Variants in SLC24A1 observed in about 807,000 individuals in gnomAD.
The protein encoded by SLC24A1 is sodium/potassium/calcium exchanger 1.
SLC24A1 carries 52 observed loss-of-function variants against 88.1 expected under a neutral mutation model. That is an observed-to-expected ratio of 0.59 (90% confidence interval 0.47 to 0.74). The LOEUF (loss-of-function observed/expected upper bound fraction) is 0.74, where lower values mean the gene tolerates loss of function less well. SLC24A1 is among the 30% of genes least tolerant of loss of function. The pLI is 0.00. For synonymous variants in SLC24A1, 455 were observed against 498.0 expected, an observed-to-expected ratio of 0.91 and a Z score of 1.15; for missense variants, 1,173 against 1,363.3, an observed-to-expected ratio of 0.86 and a Z score of 2.20.
intron 1 of SLC24A1, among the ~76,000 whole-genome samples, chr15:65,623,636 G>C (rs555667691): frequency 6.6e-6 from 1 of 152,282 alleles, no homozygotes; most frequent in East Asian, 1.9e-4. Flanking sequence ...CTTAGGCTTG[G>C]ACCTGAAGAG....
In SLC24A1 at chr15:65,625,440, TG is replaced by T; in HGVS notation, c.1363del (p.Val455TrpfsTer8). On this transcript the variant is annotated frameshift_variant, in exon 2 of 10. Coordinates refer to ENST00000261892, the MANE Select transcript of SLC24A1 (RefSeq NM_004727.3). LOFTEE classifies it high-confidence loss of function. ...CAGTGTGGAGGAGCGGCGGCAGGGC[TG>T]GGTGGTCCTGCACGTTTTTGGCATG... Reference protein sequence around the residue: ...LFSVEERRQGWVVLHVFGMMY... With the variant: ...LFSVEERRQGXVVLHVFGMMY... 6.2e-7 allele frequency: 1 copy of T among 1,614,030 alleles called. No homozygotes were observed.
rs1055125247 is a variant in SLC24A1 at position 65,650,977 on chromosome 15, C to A, written c.2793+35C>A. On this transcript the variant is annotated intron_variant, in intron 7 of 9. Transcript: ENST00000261892. The surrounding 1 kb of genome is among the most constrained non-coding windows in gnomAD (Gnocchi z 4.1). ...CCCATCTGTATCTCAGACTCTTTAT[C>A]CCCAGCAGGGCTGTGGGGTCTCTCG... 2 of 1,581,654 alleles carry A rather than the reference C, an allele frequency of 1.3e-6. No homozygotes were observed. The highest frequency in any genetic ancestry group is 1.7e-6 in the Non-Finnish European group (2 of 1,150,634).
chr15:65,652,332 A>T (rs950654704), intron 8 of SLC24A1: 21 of 306,484 alleles, frequency 6.9e-5, no homozygotes, highest in African/African-American at 4.3e-4. Context: ...TTGGAAGGGC[A>T]GTTCTTGTGG....
At chr15:65,644,173 G>C (rs372330578) in intron 4 of SLC24A1, 170 of 470,822 alleles carry the variant, frequency 3.6e-4, no homozygotes, top group African/African-American at 3.1e-3. Flanking sequence ...AATAGGCCTT[G>C]AGAAGGGAAA....
downstream of SLC24A1, among the ~76,000 whole-genome samples, chr15:65,656,630 T>C (rs1305585931): frequency 1.3e-5 from 2 of 152,224 alleles, no homozygotes; most frequent in African/African-American, 4.8e-5. Flanking sequence ...TGTGACAAAT[T>C]CTAGGTCATT....
At chr15:65,660,164 T>C (rs1183412445), downstream of SLC24A1, 6 of 670,604 alleles carry the variant, frequency 8.9e-6, no homozygotes, top group Non-Finnish European at 5.3e-6. Context: ...ATTGGAGTGG[T>C]ATTTACAAAG....
chr15:65,625,349 T>C lies in SLC24A1; in HGVS notation c.1269T>C (p.Ser423=). The change falls in exon 2 of 10, where the codon AGT becomes AGC. Residue 423 remains serine, a synonymous_variant. Transcript: ENST00000261892. ...TALLPEELSP[S]PSVLPPSLPD... Reference sequence around the variant, plus strand: ...TGCTCCCAGAGGAGCTCAGTCCTAGTCCCTCAGTGCTGCCTCCCAGCTTGC... The same window carrying C: ...TGCTCCCAGAGGAGCTCAGTCCTAGCCCCTCAGTGCTGCCTCCCAGCTTGC... 1.9e-6 allele frequency: 3 copies of C among 1,613,968 alleles called. No homozygotes were observed. The highest frequency in any genetic ancestry group is 2.5e-6 in the Non-Finnish European group (3 of 1,179,876).
chr15:65,629,813 C>A (rs1337564559), intron 2 of SLC24A1, among the ~76,000 whole-genome samples: 1 of 152,120 alleles, frequency 6.6e-6, no homozygotes, highest in Non-Finnish European at 1.5e-5. Context: ...CTGTGGAAAG[C>A]CAATGGCAAA....
At chr15:65,651,649 C>A in intron 7 of SLC24A1, 21 bp from the exon 8 acceptor site, 2 of 1,352,524 alleles carry the variant, frequency 1.5e-6, no homozygotes, top group South Asian at 1.2e-5. Context: ...TACTTCTTGT[C>A]CTTTTCAAAC....
intron 6 of SLC24A1, among the ~76,000 whole-genome samples, chr15:65,647,800 C>T (rs1012152257): frequency 6.6e-6 from 1 of 152,208 alleles, no homozygotes; most frequent in Non-Finnish European, 1.5e-5. Context: ...TCCTCATTCT[C>T]AGTTCAAACT....
At chr15:65,622,718 A>T (rs921389192) in intron 1 of SLC24A1, among the ~76,000 whole-genome samples, 1 of 150,892 alleles carries the variant, frequency 6.6e-6, no homozygotes, top group East Asian at 1.9e-4. Flanking sequence ...CTTGTATAAA[A>T]CTAACCTTTC....
chr15:65,631,077 A>G (rs2074708371), intron 2 of SLC24A1, among the ~76,000 whole-genome samples: 1 of 152,220 alleles, frequency 6.6e-6, no homozygotes, highest in South Asian at 2.1e-4. Flanking sequence ...GAAATAAACA[A>G]ATATTAACAG....
Position 65,654,723 on chromosome 15 carries a change from G to A in SLC24A1, c.*644G>A, listed in dbSNP as rs1483299351. ...CAGTATTTTCTTTTTTTTTTTTTTT[G>A]AGACAGAGTTTGGCTCTTGTTGCCC... On this transcript the variant is annotated 3_prime_UTR_variant, in exon 10 of 10. Coordinates refer to ENST00000261892, the MANE Select transcript of SLC24A1 (RefSeq NM_004727.3). The A allele has an allele frequency of 1.1e-6, 1 of 895,190 alleles. No homozygotes were observed. The highest frequency in any genetic ancestry group is 1.4e-6 in the Non-Finnish European group (1 of 708,306). 55.5% of individuals were successfully genotyped at this position (895,190 alleles called of 1,614,324 possible).
Position 65,650,536 on chromosome 15 carries a change from A to G in SLC24A1, c.2387A>G (p.Asp796Gly). 6.4e-7 allele frequency: 1 copy of G among 1,551,932 alleles called. No individual in the cohort carries two copies. The highest frequency in any genetic ancestry group is 2.4e-5 in the East Asian group (1 of 40,920). ...ETQGKGEECEDENEAEGKGDN... is the reference protein window; with the variant it reads ...ETQGKGEECEGENEAEGKGDN... ...CAAGGAAAAGGAGAAGAATGTGAAG[A>G]TGAAAATGAAGCAGAAGGAAAAGGA... is the stretch of plus-strand genomic sequence containing the variant. Residue 796 changes from aspartate (D) to glycine (G), a missense_variant, in exon 7 of 10, where the codon GAT becomes GGT. By Grantham distance (94) the Asp-to-Gly change is moderately conservative. Transcript: ENST00000261892. This position sits in a 1 kb window ranked among gnomAD's most constrained non-coding sequence, Gnocchi z 4.1.
intron 4 of SLC24A1, among the ~76,000 whole-genome samples, chr15:65,641,724 C>G (rs1327516440): frequency 6.6e-6 from 1 of 152,206 alleles, no homozygotes; most frequent in East Asian, 1.9e-4. Flanking sequence ...AAAGCTGTAT[C>G]TCTGGGTCAT....
At chr15:65,637,386 G>A (rs988261979) in intron 2 of SLC24A1, among the ~76,000 whole-genome samples, 2 of 151,966 alleles carry the variant, frequency 1.3e-5, no homozygotes, top group African/African-American at 4.8e-5. Context: ...GCATGGAAGG[G>A]GCATTTGGGA....
rs570579834 is a variant in SLC24A1 at position 65,639,777 on chromosome 15, G to A, written c.2053+74G>A. ...CCCTCCTGCAGCTGGAGAAGAACTGGGACCTGAAAATCCTAGAGGCAGTGA... is the reference window on the plus strand; with the variant it reads ...CCCTCCTGCAGCTGGAGAAGAACTGAGACCTGAAAATCCTAGAGGCAGTGA... On this transcript the variant is annotated intron_variant, in intron 4 of 9. Transcript: ENST00000261892. The A allele has an allele frequency of 8.2e-6, 8 of 972,712 alleles. No individual in the cohort carries two copies. In the African/African-American group the frequency reaches 9.7e-5, roughly 12 times the overall value. The allele number at this position is 972,712 out of a possible 1,614,324, so 60.3% of individuals were successfully genotyped here. A position where few individuals can be genotyped will look rare whatever the true frequency, so the allele number is the denominator to read the frequency against.
chr15:65,654,380 T>C lies in SLC24A1; in HGVS notation c.*301T>C. On this transcript the variant is annotated 3_prime_UTR_variant, in exon 10 of 10. Coordinates refer to ENST00000261892, the MANE Select transcript of SLC24A1 (RefSeq NM_004727.3). Reference sequence around the variant, plus strand: ...CAGAGGGTTTTCTAAATGAGATAACTGGGGGCAAAGGTTGGGATAGGCGCA... The same window carrying C: ...CAGAGGGTTTTCTAAATGAGATAACCGGGGGCAAAGGTTGGGATAGGCGCA... The C allele has an allele frequency of 8.4e-7, 1 of 1,194,728 alleles. No individual in the cohort carries two copies. Among genetic ancestry groups the C allele is most frequent in the Non-Finnish European group, 1.0e-6 (1 of 959,350 alleles). 74.0% of individuals were successfully genotyped at this position (1,194,728 alleles called of 1,614,324 possible).
Position 65,655,198 on chromosome 15 carries a change from T to C in SLC24A1, c.*1119T>C. The C allele has an allele frequency of 2.0e-6, 2 of 986,464 alleles. No individual in the cohort carries two copies. Among genetic ancestry groups the C allele is most frequent in the Non-Finnish European group, 2.4e-6 (2 of 830,872 alleles). 61.1% of individuals were successfully genotyped at this position (986,464 alleles called of 1,614,324 possible). A position where few individuals can be genotyped will look rare whatever the true frequency, so the allele number is the denominator to read the frequency against. On this transcript the variant is annotated 3_prime_UTR_variant, in exon 10 of 10. Coordinates refer to ENST00000261892, the MANE Select transcript of SLC24A1 (RefSeq NM_004727.3). ...ACCCAACAATGACAGTTGAGTGGAG[T>C]GGGAAGGGAAGTCATTCTAAAGAGT...
Sources: gnomAD v4.1 joint callset for allele counts (sites outside exome capture counted in the v4.1 genomes callset) on GRCh38, gnomAD v4.1.1 for gene constraint, Gnocchi (gnomAD v3.1) non-coding constraint, MANE v1.5 for transcripts, NCBI Gene and HGNC (gene_info 2026-07-23, HGNC 2026-07-21) for gene names.